GMDS: variants seen among roughly 807,000 people sequenced by gnomAD.
GMDS encodes the protein GDP-mannose 4,6-dehydratase.
Under a neutral mutation model 49.9 loss-of-function variants are expected in GMDS, and 20 were observed. That is an observed-to-expected ratio of 0.40 (90% CI 0.28 to 0.58). GMDS has a LOEUF of 0.58. Ranked by LOEUF, GMDS falls within the 20% of genes least tolerant of loss-of-function variation. The probability of loss-of-function intolerance (pLI) is 0.42; values close to 1 mark genes in which losing one functional copy is unlikely to be tolerated. For synonymous variants in GMDS, 177 were observed against 178.6 expected (o/e 0.99, Z 0.07); for missense variants, 362 against 481.4 (o/e 0.75, Z 2.32).
At chr6:2,124,040 GTTT>G (rs539213255) in intron 2 of GMDS, among the ~76,000 whole-genome samples, 7 of 142,582 alleles carry the variant, frequency 4.9e-5, no homozygotes, top group African/African-American at 1.5e-4. Context: ...CACTGTAAAG[GTTT>G]TTTTTTTTTT....
intron 7 of GMDS, among the ~76,000 whole-genome samples, chr6:1,909,874 C>T (rs10484693): frequency 0.052 from 7,852 of 152,206 alleles, 282 homozygotes; most frequent in South Asian, 0.15. Context: ...CTTCAGGATT[C>T]CATAACCGTA....
At chr6:1,784,216 A>C (rs554499679) in intron 7 of GMDS, among the ~76,000 whole-genome samples, 2 of 151,970 alleles carry the variant, frequency 1.3e-5, no homozygotes, top group East Asian at 3.9e-4. Context: ...ACATGGTGAA[A>C]CCCCGTCTCT....
intron 4 of GMDS, among the ~76,000 whole-genome samples, chr6:2,088,992 A>G (rs1773164995): frequency 6.6e-6 from 1 of 152,236 alleles, no homozygotes. Flanking sequence ...TCATCCAGTG[A>G]ACATTTATTG....
At chr6:1,729,260 T>C (rs1766704656) in intron 8 of GMDS, among the ~76,000 whole-genome samples, 1 of 152,240 alleles carries the variant, frequency 6.6e-6, no homozygotes, top group African/African-American at 2.4e-5. Context: ...GAGGGGTTTA[T>C]TAAATACAGC....
At chr6:1,905,296 G>A (rs1373759666) in intron 7 of GMDS, among the ~76,000 whole-genome samples, 1 of 152,156 alleles carries the variant, frequency 6.6e-6, no homozygotes, top group Non-Finnish European at 1.5e-5. Context: ...CTGCATGTGG[G>A]GCCAGCACAT....
intron 1 of GMDS, among the ~76,000 whole-genome samples, chr6:2,175,546 G>T (rs895741035): frequency 5.9e-5 from 9 of 152,164 alleles, no homozygotes; most frequent in Non-Finnish European, 1.2e-4. Context: ...ACCTCAGCTT[G>T]GGAAGAACCA....
chr6:2,237,674 A>G (rs1360190112), intron 1 of GMDS, among the ~76,000 whole-genome samples: 1 of 151,362 alleles, frequency 6.6e-6, no homozygotes, highest in Non-Finnish European at 1.5e-5. Flanking sequence ...GGCGCCCACC[A>G]CCATGCCAGG....
intron 4 of GMDS, among the ~76,000 whole-genome samples, chr6:2,114,118 T>C (rs916126221): frequency 6.6e-6 from 1 of 152,162 alleles, no homozygotes; most frequent in Non-Finnish European, 1.5e-5. Flanking sequence ...AATCAGCCCA[T>C]TTAATACTAA....
intron 9 of GMDS, among the ~76,000 whole-genome samples, chr6:1,702,993 T>A (rs1172690444): frequency 6.6e-6 from 1 of 152,198 alleles, no homozygotes; most frequent in Non-Finnish European, 1.5e-5. Flanking sequence ...AGAGTCCACA[T>A]GTGCAGAGAT....
At chr6:2,100,513 T>C (rs1000833042) in intron 4 of GMDS, among the ~76,000 whole-genome samples, 1 of 152,064 alleles carries the variant, frequency 6.6e-6, no homozygotes, top group Non-Finnish European at 1.5e-5. Flanking sequence ...AAAGCTGTAC[T>C]AGAAAGGTCT....
At chr6:2,233,129 G>C (rs935207954) in intron 1 of GMDS, among the ~76,000 whole-genome samples, 3 of 152,150 alleles carry the variant, frequency 2.0e-5, no homozygotes, top group Non-Finnish European at 4.4e-5. Context: ...TAAATTGTAT[G>C]TTACATGTTA....
intron 7 of GMDS, among the ~76,000 whole-genome samples, chr6:1,894,513 T>C (rs997460399): frequency 1.2e-4 from 19 of 152,226 alleles, no homozygotes; most frequent in Non-Finnish European, 2.4e-4. Flanking sequence ...GTATTAAATA[T>C]CTTAAATGCT....
At position 1,624,095 on chromosome 6, in the gene GMDS, T is replaced by A. The variant is rs140328641; in HGVS notation, c.*74A>T. On this transcript the variant is annotated 3_prime_UTR_variant, in exon 11 of 11. Coordinates refer to ENST00000380815, the MANE Select transcript of GMDS (RefSeq NM_001500.4). ...CCGCAGATTGGCACGCCGCTCCCCA[T>A]CCCCGCAGCGCGTCTGCACCGGAGA... 4.9e-4 allele frequency: 674 copies of A among 1,362,828 alleles called. 5 individuals are homozygous for A. In the East Asian group the frequency reaches 0.013, roughly 27 times the overall value. 84.4% of individuals were successfully genotyped at this position (1,362,828 alleles called of 1,614,324 possible).
At chr6:2,114,875 GA>G (rs1420124517) in intron 4 of GMDS, among the ~76,000 whole-genome samples, 1 of 151,950 alleles carries the variant, frequency 6.6e-6, no homozygotes, top group Non-Finnish European at 1.5e-5. Flanking sequence ...CAAACATGGG[GA>G]TACAGAAAAA....
At chr6:1,958,408 G>A (rs1763760672) in intron 6 of GMDS, among the ~76,000 whole-genome samples, 1 of 151,922 alleles carries the variant, frequency 6.6e-6, no homozygotes, top group Non-Finnish European at 1.5e-5. Flanking sequence ...CAGACTCTGT[G>A]GGCGCCCTCA....
chr6:1,642,212 G>T (rs1239425151), intron 9 of GMDS, among the ~76,000 whole-genome samples: 1 of 144,466 alleles, frequency 6.9e-6, no homozygotes, highest in Non-Finnish European at 1.5e-5. Context: ...TATCGCCCAG[G>T]CTGGAGTGCA....
intron 7 of GMDS, among the ~76,000 whole-genome samples, chr6:1,802,309 C>T (rs1283325305): frequency 6.6e-6 from 1 of 152,142 alleles, no homozygotes; most frequent in Non-Finnish European, 1.5e-5. Flanking sequence ...ATCAATATTA[C>T]TTGAACTGAA....
chr6:1,929,882 T>C (rs1269583383), intron 7 of GMDS, among the ~76,000 whole-genome samples: 1 of 152,204 alleles, frequency 6.6e-6, no homozygotes, highest in Non-Finnish European at 1.5e-5. Context: ...GTGAAAGTTT[T>C]CCTCATTCAA....
intron 1 of GMDS, among the ~76,000 whole-genome samples, chr6:2,142,361 A>G (rs1776343150): frequency 6.6e-6 from 1 of 152,154 alleles, no homozygotes; most frequent in Admixed American, 6.5e-5. Flanking sequence ...TAATTAGTTA[A>G]GATTAGGTCA....
Sources: allele counts gnomAD v4.1 joint callset (sites outside exome capture counted in the v4.1 genomes callset), GRCh38; gene constraint gnomAD v4.1.1; transcripts MANE v1.5; gene names NCBI Gene and HGNC (gene_info 2026-07-23, HGNC 2026-07-21).